The following MICAL3 variants were observed in gnomAD, a reference collection of about 807,000 sequenced individuals.
The protein encoded by MICAL3 is [F-actin]-monooxygenase MICAL3.
A neutral mutation model predicts 207.4 loss-of-function variants in MICAL3; 62 were observed. The observed-to-expected ratio is 0.30, with a 90% CI of 0.24 to 0.37. The LOEUF is 0.37. Among genes scored for constraint, MICAL3 ranks in the 10% least tolerant of loss-of-function variants. The pLI, the probability that MICAL3 is intolerant of heterozygous loss-of-function variation, is 1.00. For synonymous variants in MICAL3, 1,077 were observed against 1,069.3 expected (o/e 1.01, Z -0.14); for missense variants, 2,368 against 2,635.6 (o/e 0.90, Z 2.22).
chr22:17,851,306 CT>C (rs1925307070), intron 19 of MICAL3, among the ~76,000 whole-genome samples: 1 of 152,194 alleles, frequency 6.6e-6, no homozygotes, highest in African/African-American at 2.4e-5. Context: ...GGCTTCCCCC[CT>C]ACTTCTGCCG....
chr22:17,875,291 C>A (rs759279240), intron 16 of MICAL3: 42 of 456,464 alleles, frequency 9.2e-5, no homozygotes, highest in Admixed American at 5.5e-4. Context: ...CACACGAGAC[C>A]GACACAGGCA....
chr22:17,914,591 T>C (rs1249359507), intron 1 of MICAL3, among the ~76,000 whole-genome samples: 1 of 152,084 alleles, frequency 6.6e-6, no homozygotes, highest in African/African-American at 2.4e-5. Context: ...GGAACTTGCC[T>C]GCCAGGAAGA....
rs528038935 is a variant in MICAL3, at chr22:17,886,094, G to A, written c.2068-43C>T. ...CAAAGAACCCGGCGCTGTGACAGGA[G>A]GCTCCCCCCATGCCCCTCCCTCACA... On this transcript the variant is annotated intron_variant, in intron 15 of 31. Transcript: ENST00000441493. 1.2e-5 allele frequency: 20 copies of A among 1,605,624 alleles called. 1 individual carries two copies. In the East Asian group the frequency reaches 4.5e-4, roughly 36 times the overall value.
intron 1 of MICAL3, among the ~76,000 whole-genome samples, chr22:17,933,770 C>A (rs1441677047): frequency 2.6e-5 from 4 of 152,060 alleles, no homozygotes; most frequent in Non-Finnish European, 5.9e-5. Flanking sequence ...CAAACAGACA[C>A]AATAAAAAAT....
intron 1 of MICAL3, among the ~76,000 whole-genome samples, chr22:17,959,619 G>A (rs1335219455): frequency 2.0e-5 from 3 of 152,208 alleles, no homozygotes; most frequent in Non-Finnish European, 2.9e-5. Flanking sequence ...CTCAGGGCCT[G>A]TTTTATATGG....
At chr22:17,812,044 T>C (rs1441557671) in intron 27 of MICAL3, among the ~76,000 whole-genome samples, 1 of 152,228 alleles carries the variant, frequency 6.6e-6, no homozygotes, top group Non-Finnish European at 1.5e-5. Flanking sequence ...CCACCATACC[T>C]GGCCAACAAG....
chr22:17,874,479 C>G (rs968947253), intron 16 of MICAL3, among the ~76,000 whole-genome samples: 9 of 152,262 alleles, frequency 5.9e-5, no homozygotes, highest in South Asian at 2.1e-4. Flanking sequence ...CAGCCAGGAC[C>G]CTTTTCTCCT....
chr22:17,802,803 C>T (rs1177130121), intron 29 of MICAL3, among the ~76,000 whole-genome samples: 1 of 152,102 alleles, frequency 6.6e-6, no homozygotes, highest in East Asian at 1.9e-4. Flanking sequence ...ATGGAGCCTC[C>T]ACGGGGAGAT....
rs1975394189 is a variant in MICAL3 at position 17,831,912 on chromosome 22, T to C, written c.2997A>G (p.Glu999=). 1 of 1,557,826 alleles carries C rather than the reference T, an allele frequency of 6.4e-7. No individual in the cohort carries two copies. Among genetic ancestry groups the C allele is most frequent in the Admixed American group, 1.9e-5 (1 of 51,546 alleles). Residue 999 remains glutamate, a synonymous_variant, in exon 21 of 32, where the codon GAA becomes GAG. Coordinates refer to ENST00000441493, the MANE Select transcript of MICAL3 (RefSeq NM_015241.3). The part of the protein sequence containing the change: ...PGNEEEEEEE[E]EYEEEEEEDY... ...CCTCCTCCTCCTCCTCTTCATATTC[T>C]TCCTCCTCCTCCTCCTCCTCTTCAT...
intron 19 of MICAL3, among the ~76,000 whole-genome samples, chr22:17,853,295 TC>T (rs1925531249): frequency 6.6e-6 from 1 of 152,036 alleles, no homozygotes; most frequent in South Asian, 2.1e-4. Context: ...GAAGGTCCAC[TC>T]CCCCAGCCCA....
chr22:17,977,092 A>G (rs1275566434), intron 1 of MICAL3, among the ~76,000 whole-genome samples: 3 of 152,088 alleles, frequency 2.0e-5, no homozygotes, highest in Non-Finnish European at 2.9e-5. Flanking sequence ...GTGAGCCACC[A>G]CGCCCGGCAG....
At chr22:17,896,637 G>A in intron 8 of MICAL3, 87 bp downstream of exon 8, 1 of 1,382,078 alleles carries the variant, frequency 7.2e-7, no homozygotes, top group Non-Finnish European at 1.0e-6. Flanking sequence ...CAACACTGCA[G>A]ACGCTCATTC....
chr22:17,932,228 G>GA (rs1255882788), intron 1 of MICAL3, among the ~76,000 whole-genome samples: 9 of 152,292 alleles, frequency 5.9e-5, no homozygotes, highest in South Asian at 4.2e-4. Context: ...CAGCCAGAGA[G>GA]AAAGGTCGAG....
intron 1 of MICAL3, among the ~76,000 whole-genome samples, chr22:17,956,801 C>T (rs980276307): frequency 6.6e-6 from 1 of 152,172 alleles, no homozygotes; most frequent in Non-Finnish European, 1.5e-5. Context: ...AAGGTGCTCA[C>T]GTGAGAGACA....
In MICAL3 at chr22:17,895,381, G is replaced by C. The variant is rs1385678244; in HGVS notation, c.1352C>G (p.Thr451Ser). 1 of 1,613,742 alleles carries C rather than the reference G, an allele frequency of 6.2e-7. No homozygotes were observed. Among genetic ancestry groups the C allele is most frequent in the South Asian group, 1.1e-5 (1 of 91,014 alleles). The change falls in exon 10 of 32, where the codon ACC becomes AGC. Residue 451 changes from threonine to serine, a missense_variant. By Grantham distance (58) the Thr-to-Ser change is moderately conservative (BLOSUM62 1). Around this residue, in one of 4 missense-constraint regions of MICAL3, gnomAD observed 147 missense variants for 137.7 expected, o/e 1.07. Transcript: ENST00000441493. The part of the protein sequence containing the change: ...RESIYRLLPQ[T>S]TPENVSKNFS... ...GTTCTTACTCACATTCTCAGGGGTG[G>C]TCTGAGGCAGCAACCTGTAAATACT...
intron 18 of MICAL3, 94 bp downstream of exon 18, chr22:17,865,830 G>A (rs1206430834): frequency 1.8e-5 from 17 of 967,982 alleles, no homozygotes; most frequent in East Asian, 2.4e-5. Flanking sequence ...AGGCAAGGAC[G>A]CAGGGGCATT....
At chr22:17,967,399 C>T (rs140126458) in intron 1 of MICAL3, among the ~76,000 whole-genome samples, 16 of 151,800 alleles carry the variant, frequency 1.1e-4, no homozygotes, top group Non-Finnish European at 1.9e-4. Flanking sequence ...TTTACTCAAG[C>T]GACAATATTT....
At chr22:17,916,027 A>G (rs1320523691) in intron 1 of MICAL3, among the ~76,000 whole-genome samples, 2 of 137,554 alleles carry the variant, frequency 1.5e-5, no homozygotes, top group Non-Finnish European at 3.1e-5. Context: ...ACTGCATTCC[A>G]GCCTGGGGAT....
chr22:17,922,469 A>T (rs150279802), intron 1 of MICAL3, among the ~76,000 whole-genome samples: 78 of 152,278 alleles, frequency 5.1e-4, no homozygotes, highest in Middle Eastern at 3.4e-3. Context: ...AAGGCATATT[A>T]GGAGTCTGAA....
Sources: allele counts gnomAD v4.1 joint callset (sites outside exome capture counted in the v4.1 genomes callset), GRCh38; gene constraint gnomAD v4.1.1; regional missense constraint gnomAD v4.1.1; transcripts MANE v1.5; gene names NCBI Gene and HGNC (gene_info 2026-07-23, HGNC 2026-07-21).